Variants in AMBRA1 observed in about 807,000 individuals in gnomAD.
The protein encoded by AMBRA1 is autophagy and beclin 1 regulator 1.
A neutral mutation model predicts 125.4 loss-of-function variants in AMBRA1; 47 were observed. That is an observed-to-expected ratio of 0.37 (90% confidence interval 0.30 to 0.48). AMBRA1 has a LOEUF of 0.48. Ranked by LOEUF, AMBRA1 falls within the 20% of genes least tolerant of loss-of-function variation. The pLI is 0.99. For synonymous variants in AMBRA1, 626 were observed against 655.5 expected (o/e 0.95, Z 0.69); for missense variants, 1,331 against 1,693.4 (o/e 0.79, Z 3.76).
intron 17 of AMBRA1, among the ~76,000 whole-genome samples, chr11:46,405,363 T>C (rs1249762782): frequency 6.6e-6 from 1 of 152,142 alleles, no homozygotes; most frequent in Non-Finnish European, 1.5e-5. Flanking sequence ...AGAGGCCTAC[T>C]TGTCTTCACC....
chr11:46,398,037 T>C, intron 17 of AMBRA1, 94 bp from the exon 18 acceptor site: 3 of 1,462,778 alleles, frequency 2.1e-6, no homozygotes, highest in Non-Finnish European at 2.7e-6. Flanking sequence ...GGGGGATTCT[T>C]GACTAAACGC....
At chr11:46,440,177 G>C (rs1051785197) in intron 12 of AMBRA1, among the ~76,000 whole-genome samples, 33 of 152,106 alleles carry the variant, frequency 2.2e-4, no homozygotes, top group African/African-American at 7.7e-4. Context: ...GATTGAAAAT[G>C]ACCTAAAGGT....
intron 9 of AMBRA1, among the ~76,000 whole-genome samples, chr11:46,506,204 GAGAAGGAACAAGCTGACAGTC>G (rs1254316167): frequency 3.9e-5 from 6 of 152,172 alleles, no homozygotes; most frequent in African/African-American, 1.4e-4. Flanking sequence ...GGACAGAAGG[GAGAAGGAACAAGCTGACAGTC>G]AGAAGGTAGC....
At chr11:46,569,893 G>A (rs148731984) in intron 1 of AMBRA1, among the ~76,000 whole-genome samples, 81 of 151,996 alleles carry the variant, frequency 5.3e-4, no homozygotes, top group African/African-American at 1.6e-3. Flanking sequence ...CCCAGAAGGC[G>A]GAGGTTGCAG....
rs865799446 is a variant in AMBRA1, at chr11:46,585,705, T to A, written c.-121+8123A>T. On this transcript the variant is annotated intron_variant, in intron 1 of 17. Transcript: ENST00000683756. ...AAAAAAAAAAAAAAAAATATATATA[T>A]ATATATATATATATATATTCCTAGC... Among the ~76,000 whole-genome samples the A allele has an allele frequency of 1.3e-3, 109 of 81,620 alleles. 1 individual carries two copies. The highest frequency in any genetic ancestry group is 2.1e-3 in the Non-Finnish European group (82 of 39,710). The allele number at this position is 81,620 out of a possible 152,430, so 53.5% of individuals were successfully genotyped here.
At chr11:46,437,412 G>A (rs1489044837) in intron 12 of AMBRA1, among the ~76,000 whole-genome samples, 1 of 152,166 alleles carries the variant, frequency 6.6e-6, no homozygotes, top group Non-Finnish European at 1.5e-5. Flanking sequence ...AACGAAAAGA[G>A]AATGCTGAAA....
chr11:46,474,987 T>C (rs1949759360), intron 11 of AMBRA1, among the ~76,000 whole-genome samples: 2 of 152,206 alleles, frequency 1.3e-5, no homozygotes, highest in East Asian at 3.9e-4. Context: ...GAGGATGACA[T>C]TATGTTCCCA....
chr11:46,422,609 C>G (rs1946900567), intron 14 of AMBRA1, among the ~76,000 whole-genome samples: 1 of 151,988 alleles, frequency 6.6e-6, no homozygotes, highest in African/African-American at 2.4e-5. Flanking sequence ...AGCGGGAAAC[C>G]TTCTTCTCCA....
intron 17 of AMBRA1, among the ~76,000 whole-genome samples, chr11:46,407,153 G>A (rs750573822): frequency 2.0e-5 from 3 of 152,090 alleles, no homozygotes; most frequent in Non-Finnish European, 2.9e-5. Flanking sequence ...GAAGTGAGCC[G>A]AGATCATGCC....
At chr11:46,563,366 AG>A (rs2043402620) in intron 1 of AMBRA1, among the ~76,000 whole-genome samples, 1 of 152,182 alleles carries the variant, frequency 6.6e-6, no homozygotes, top group South Asian at 2.1e-4. Context: ...CTGGGACTAC[AG>A]GTGTATATAA....
chr11:46,439,305 A>T (rs1947884786), intron 12 of AMBRA1, among the ~76,000 whole-genome samples: 1 of 152,140 alleles, frequency 6.6e-6, no homozygotes, highest in South Asian at 2.1e-4. Flanking sequence ...TAAAACATAA[A>T]ACCTCAAAGA....
intron 1 of AMBRA1, among the ~76,000 whole-genome samples, chr11:46,551,912 C>T (rs1440419456): frequency 2.0e-5 from 3 of 151,778 alleles, no homozygotes; most frequent in East Asian, 3.9e-4. Context: ...CCAGTAATCC[C>T]AGCTACTTGG....
At chr11:46,476,713 A>G (rs1949826777) in intron 11 of AMBRA1, among the ~76,000 whole-genome samples, 1 of 152,256 alleles carries the variant, frequency 6.6e-6, no homozygotes, top group Non-Finnish European at 1.5e-5. Context: ...ACATCAGCAG[A>G]ATCCAGAAAA....
At chr11:46,505,445 A>G (rs1383058301) in intron 9 of AMBRA1, among the ~76,000 whole-genome samples, 2 of 152,244 alleles carry the variant, frequency 1.3e-5, no homozygotes, top group East Asian at 3.9e-4. Context: ...CTGGACTACT[A>G]ATGTTGAGGT....
chr11:46,505,216 A>G (rs930011684), intron 9 of AMBRA1, among the ~76,000 whole-genome samples: 11 of 152,248 alleles, frequency 7.2e-5, no homozygotes, highest in African/African-American at 2.7e-4. Flanking sequence ...CCTTCTAGTT[A>G]CCAAAGCTAA....
intron 4 of AMBRA1, among the ~76,000 whole-genome samples, chr11:46,546,799 G>C (rs1413460494): frequency 6.6e-6 from 1 of 152,182 alleles, no homozygotes; most frequent in African/African-American, 2.4e-5. Flanking sequence ...AGCCGGGCAT[G>C]GTGGCTCATG....
chr11:46,419,985 G>C (rs1232896612), intron 14 of AMBRA1, among the ~76,000 whole-genome samples: 1 of 1,586 alleles, frequency 6.3e-4, no homozygotes, highest in African/African-American at 1.1e-3. Context: ...ACAGCAGCAC[G>C]TGTCCTCAAT....
chr11:46,581,044 T>C (rs1015427203), intron 1 of AMBRA1, among the ~76,000 whole-genome samples: 3 of 152,022 alleles, frequency 2.0e-5, no homozygotes, highest in African/African-American at 7.2e-5. Context: ...TCCACCCGCC[T>C]CAGCCTCCCA....
intron 1 of AMBRA1, among the ~76,000 whole-genome samples, chr11:46,560,336 C>T (rs1274598768): frequency 6.6e-6 from 1 of 152,064 alleles, no homozygotes; most frequent in African/African-American, 2.4e-5. Flanking sequence ...TTTGAAGATA[C>T]AAAACTGAGT....
Sources: allele counts gnomAD v4.1 joint callset (sites outside exome capture counted in the v4.1 genomes callset), GRCh38; gene constraint gnomAD v4.1.1; transcripts MANE v1.5; gene names NCBI Gene and HGNC (gene_info 2026-07-23, HGNC 2026-07-21).